The following TVP23C variants were observed in gnomAD, a reference collection of about 807,000 sequenced individuals.
TVP23C encodes Golgi apparatus membrane protein TVP23 homolog C.
Under a neutral mutation model 28.7 loss-of-function variants are expected in TVP23C, and 19 were observed. That is an observed-to-expected ratio of 0.66 (90% CI 0.46 to 0.97). TVP23C has a LOEUF of 0.97. Among genes scored for constraint, TVP23C ranks in the 50% least tolerant of loss-of-function variants. The pLI is 0.00. For synonymous variants in TVP23C, 68 were observed against 81.7 expected (o/e 0.83, Z 0.90); for missense variants, 186 against 241.3 (o/e 0.77, Z 1.52).
At chr17:15,552,274 A>C (rs1341835217) in intron 3 of TVP23C, among the ~76,000 whole-genome samples, 1 of 152,254 alleles carries the variant, frequency 6.6e-6, no homozygotes, top group Non-Finnish European at 1.5e-5. Flanking sequence ...AAGCCAAAGA[A>C]GACTGGACAA....
chr17:15,545,283 G>C (rs934121824), intron 5 of TVP23C, among the ~76,000 whole-genome samples: 2 of 152,156 alleles, frequency 1.3e-5, no homozygotes, highest in African/African-American at 4.8e-5. Context: ...ACCATGCCAT[G>C]AGGAAGCCCA....
chr17:15,509,337 G>A (rs1981903985), intron 5 of TVP23C, among the ~76,000 whole-genome samples: 1 of 152,222 alleles, frequency 6.6e-6, no homozygotes, highest in South Asian at 2.1e-4. Context: ...GTGGTAGGGG[G>A]ACAGCCCAGG....
chr17:15,540,207 A>G lies in TVP23C; in HGVS notation c.*205T>C. Reference sequence around the variant, plus strand: ...AGTAATTTTTAAAAAATAAGTTATTATCAATGATAGTTTATCCTTCCTGGC... The same window carrying G: ...AGTAATTTTTAAAAAATAAGTTATTGTCAATGATAGTTTATCCTTCCTGGC... On this transcript the variant is annotated 3_prime_UTR_variant, in exon 6 of 6. Coordinates refer to ENST00000518321, the MANE Select transcript of TVP23C (RefSeq NM_001135036.2). The G allele has an allele frequency of 3.2e-6, 4 of 1,266,424 alleles. No homozygotes were observed. Among genetic ancestry groups the G allele is most frequent in the Non-Finnish European group, 4.0e-6 (4 of 1,002,206 alleles). 78.4% of individuals were successfully genotyped at this position (1,266,424 alleles called of 1,614,324 possible).
At chr17:15,541,876 G>A (rs1397762361) in intron 5 of TVP23C, among the ~76,000 whole-genome samples, 1 of 152,086 alleles carries the variant, frequency 6.6e-6, no homozygotes, top group African/African-American at 2.4e-5. Context: ...ACATGCCAGG[G>A]TACACCTGAA....
chr17:15,513,652 G>T (rs1982097091), intron 5 of TVP23C, among the ~76,000 whole-genome samples: 2 of 152,176 alleles, frequency 1.3e-5, no homozygotes, highest in African/African-American at 4.8e-5. Context: ...CAGGACAAAG[G>T]GTTCTTTTCA....
At chr17:15,536,305 C>A (rs1184171555), downstream of TVP23C, among the ~76,000 whole-genome samples, 1 of 152,182 alleles carries the variant, frequency 6.6e-6, no homozygotes, top group Non-Finnish European at 1.5e-5. Flanking sequence ...ATCACATAGT[C>A]CAAGATGGCT....
At chr17:15,523,313 CT>C (rs1033716014) in intron 5 of TVP23C, among the ~76,000 whole-genome samples, 19 of 140,098 alleles carry the variant, frequency 1.4e-4, no homozygotes, top group African/African-American at 3.2e-4. Flanking sequence ...CCTTTTTTTT[CT>C]TTTTTTTTTC....
chr17:15,509,339 C>G (rs1981904186), intron 5 of TVP23C, among the ~76,000 whole-genome samples: 1 of 152,182 alleles, frequency 6.6e-6, no homozygotes, highest in Admixed American at 6.5e-5. Context: ...GGTAGGGGGA[C>G]AGCCCAGGGG....
intron 5 of TVP23C, among the ~76,000 whole-genome samples, chr17:15,518,342 T>C (rs1982322995): frequency 6.6e-6 from 1 of 152,108 alleles, no homozygotes; most frequent in African/African-American, 2.4e-5. Flanking sequence ...CTACGTACTG[T>C]ATCAACGGCA....
At chr17:15,542,187 C>A (rs1375456591) in intron 5 of TVP23C, among the ~76,000 whole-genome samples, 1 of 152,176 alleles carries the variant, frequency 6.6e-6, no homozygotes, top group Non-Finnish European at 1.5e-5. Context: ...TCCCCAGGAA[C>A]TTATAGAAAA....
chr17:15,555,321 T>A lies in TVP23C; in HGVS notation c.56A>T (p.Glu19Val), dbSNP rs1984080259. 1.9e-6 allele frequency: 3 copies of A among 1,613,970 alleles called. No individual in the cohort carries two copies. Among genetic ancestry groups the A allele is most frequent in the Non-Finnish European group, 8.5e-7 (1 of 1,179,864 alleles). Residue 19 changes from glutamate (E) to valine (V), a missense_variant, in exon 2 of 6, where the codon GAA (glutamate) becomes GTA (valine). This residue lies in a region of TVP23C where 92 missense variants were observed against 94.3 expected (regional missense o/e 0.98). Coordinates refer to ENST00000518321, the MANE Select transcript of TVP23C (RefSeq NM_001135036.2). Reference protein sequence around the residue: ...DTEDVSLFDAEEETTNRPRKA... With the variant: ...DTEDVSLFDAVEETTNRPRKA... ...TCTTGGTCTATTAGTCGTCTCCTCT[T>A]CCGCATCAAACAGTGAAACATCTTC...
At chr17:15,503,078 G>T (rs765801300) in exon 6 of TVP23C, 6 of 1,614,132 alleles carry the variant, frequency 3.7e-6, no homozygotes, top group Non-Finnish European at 5.1e-6. Context: ...CGTGATCCTC[G>T]TGAAAGAATT....
At chr17:15,543,205 T>C (rs2654289) in intron 5 of TVP23C, among the ~76,000 whole-genome samples, 70,366 of 127,156 alleles carry the variant, frequency 0.55, 22,737 homozygotes, top group Non-Finnish European at 0.7. Context: ...GCCTTCAGGC[T>C]ACCAAACCCA....
At chr17:15,551,692 T>TG (rs1402889515) in intron 3 of TVP23C, among the ~76,000 whole-genome samples, 1 of 151,736 alleles carries the variant, frequency 6.6e-6, no homozygotes, top group East Asian at 1.9e-4. Flanking sequence ...GATTTTTTTT[T>TG]TAAGCTCATC....
chr17:15,561,186 T>G (rs562219275), intron 1 of TVP23C, among the ~76,000 whole-genome samples: 3 of 152,026 alleles, frequency 2.0e-5, no homozygotes, highest in Admixed American at 1.3e-4. Flanking sequence ...AGAAGAAACG[T>G]TGAAGATTTG....
chr17:15,502,364 CA>C (rs5819536), exon 6 of TVP23C: 21,953 of 153,652 alleles, frequency 0.14, 1,825 homozygotes, highest in African/African-American at 0.23. Flanking sequence ...AAGCCTTACA[CA>C]TTAGTCCCCG....
chr17:15,512,962 G>A (rs558923187), intron 5 of TVP23C, among the ~76,000 whole-genome samples: 11 of 152,244 alleles, frequency 7.2e-5, no homozygotes, highest in African/African-American at 2.4e-4. Context: ...TCTCCTCCCT[G>A]GGCTTTAATT....
downstream of TVP23C, among the ~76,000 whole-genome samples, chr17:15,533,461 A>G (rs1983028342): frequency 6.6e-6 from 1 of 152,368 alleles, no homozygotes; most frequent in South Asian, 2.1e-4. Context: ...CGTACTGAAC[A>G]AAGACTACAA....
intron 5 of TVP23C, among the ~76,000 whole-genome samples, chr17:15,524,711 AT>A (rs1218426473): frequency 6.6e-6 from 1 of 151,834 alleles, no homozygotes; most frequent in African/African-American, 2.4e-5. Flanking sequence ...TCCCAGAGGG[AT>A]GCACACAGTG....
Sources: allele counts gnomAD v4.1 joint callset (sites outside exome capture counted in the v4.1 genomes callset), GRCh38; gene constraint gnomAD v4.1.1; regional missense constraint gnomAD v4.1.1; transcripts MANE v1.5; gene names NCBI Gene and HGNC (gene_info 2026-07-23, HGNC 2026-07-21).